The following ABR variants were observed in gnomAD, a reference collection of about 807,000 sequenced individuals.
The protein encoded by ABR is ABR activator of RhoGEF and GTPase, also known as active breakpoint cluster region-related protein.
In ABR, 35 loss-of-function variants were observed where a neutral mutation model predicts 107.2. The ratio of observed to expected loss-of-function variants is 0.33; its 90% CI spans 0.25 to 0.43. The LOEUF (loss-of-function observed/expected upper bound fraction) is 0.43, where lower values mean the gene tolerates loss of function less well. Among genes scored for constraint, ABR ranks in the 20% least tolerant of loss-of-function variants. ABR has a pLI of 1.00. For synonymous variants in ABR, 498 were observed against 462.0 expected (o/e 1.08, Z -1.00); for missense variants, 815 against 1,115.2 (o/e 0.73, Z 3.83).
In ABR at chr17:1,141,691, T is replaced by C. The variant is rs1281649983; in HGVS notation, c.62-16324A>G. On this transcript the variant is annotated intron_variant, in intron 1 of 22. Coordinates refer to ENST00000302538, the MANE Select transcript of ABR (RefSeq NM_021962.5). Reference sequence around the variant, plus strand: ...AGTGAGTTAAGACTACAGCAAGCTTTGTCAGCTAACTCTGCTGTTCATCAG... The same window carrying C: ...AGTGAGTTAAGACTACAGCAAGCTTCGTCAGCTAACTCTGCTGTTCATCAG... 5.3e-5 allele frequency among the ~76,000 whole-genome samples: 8 copies of C among 152,120 alleles called. 1 individual carries two copies. The highest frequency in any genetic ancestry group is 1.2e-4 in the Non-Finnish European group (8 of 68,020).
intron 2 of ABR, among the ~76,000 whole-genome samples, chr17:1,112,617 A>AAGGAAGGAAGGAAGAG (rs768217991): frequency 1.3e-5 from 2 of 149,990 alleles, no homozygotes; most frequent in African/African-American, 5.0e-5. Context: ...GGGAGGGAGG[A>AAGGAAGGAAGGAAGAG]AGGAAGGAAG....
chr17:1,156,175 T>G (rs1317536649), intron 1 of ABR: 1 of 152,124 alleles, frequency 6.6e-6, no homozygotes. Flanking sequence ...CAGACGGGTA[T>G]CTAAGGGGCA....
rs2069815815 is a variant in ABR, at chr17:1,003,621, TAGAC to T, written c.*2455_*2458del. On this transcript the variant is annotated 3_prime_UTR_variant, in exon 23 of 23. Coordinates refer to ENST00000302538, the MANE Select transcript of ABR (RefSeq NM_021962.5). ...AATCTACATAAGTTGAAACAGAACA[TAGAC>T]AAAAAAATATATCCTTACCAACTTA... The T allele has an allele frequency of 6.6e-6, 1 of 152,486 alleles. No individual in the cohort carries two copies. Among genetic ancestry groups the T allele is most frequent in the Non-Finnish European group, 1.5e-5 (1 of 68,022 alleles). 9.4% of individuals were successfully genotyped at this position (152,486 alleles called of 1,614,324 possible). A position where few individuals can be genotyped will look rare whatever the true frequency, so the allele number is the denominator to read the frequency against.
chr17:1,209,459 TAGAGAC>T (rs2150737032), intron 1 of ABR, among the ~76,000 whole-genome samples: 1 of 152,282 alleles, frequency 6.6e-6, no homozygotes, highest in African/African-American at 2.4e-5. Context: ...GTATTTTTAA[TAGAGAC>T]AGGGTTTTGC....
At chr17:1,156,518 T>C (rs1038511260) in intron 1 of ABR, among the ~76,000 whole-genome samples, 4 of 152,050 alleles carry the variant, frequency 2.6e-5, no homozygotes, top group African/African-American at 9.7e-5. Context: ...AACTCGTCTC[T>C]ACTAAAAATA....
chr17:1,179,787 A>C lies in ABR; in HGVS notation c.-60T>G. The C allele has an allele frequency of 3.3e-6, 1 of 298,878 alleles. No homozygotes were observed. The allele number at this position is 298,878 out of a possible 1,614,324, so 18.5% of individuals were successfully genotyped here. The stretch of plus-strand genomic sequence containing the variant: ...ACCCTCATCGCGCAACAAAGGAGGG[A>C]GAGCGGGCGGGAGCCGGGGGAGGCC... On this transcript the variant is annotated 5_prime_UTR_variant, in exon 1 of 23. Transcript: ENST00000302538. The surrounding 1 kb of genome is among the most constrained non-coding windows in gnomAD (Gnocchi z 4.9).
At position 1,028,351 on chromosome 17, in the gene ABR, T is replaced by A. The variant is rs141154129; in HGVS notation, c.1792-15187A>T. On this transcript the variant is annotated intron_variant, in intron 16 of 22. Transcript: ENST00000302538. Reference sequence around the variant, plus strand: ...TGACCTCAGGTGATCCACCCGCCTCTGCCTCCCAAAGTGCTGGGATGACAG... The same window carrying A: ...TGACCTCAGGTGATCCACCCGCCTCAGCCTCCCAAAGTGCTGGGATGACAG... Among the ~76,000 whole-genome samples the A allele has an allele frequency of 2.0e-3, 307 of 151,980 alleles. 1 individual carries two copies. Among genetic ancestry groups the A allele is most frequent in the African/African-American group, 6.8e-3 (284 of 41,470 alleles).
At chr17:1,181,379 G>A (rs900551571), upstream of ABR, among the ~76,000 whole-genome samples, 5 of 152,154 alleles carry the variant, frequency 3.3e-5, no homozygotes, top group African/African-American at 1.2e-4. Context: ...GATGCTCTGG[G>A]TGGGGAAGCC....
At chr17:1,091,623 C>T in intron 4 of ABR, 42 bp downstream of exon 4, 1 of 1,589,910 alleles carries the variant, frequency 6.3e-7, no homozygotes, top group Non-Finnish European at 8.6e-7. Flanking sequence ...ATGGGCTCCA[C>T]TGAGGCCCTG....
rs2038087386 is a variant in ABR at position 1,104,078 on chromosome 17, G to A, written c.247-3343C>T. Among the ~76,000 whole-genome samples, 6 of 152,274 alleles carry A rather than the reference G, an allele frequency of 3.9e-5. No homozygotes were observed. The South Asian group carries it at 1.0e-3, about 26-fold the overall frequency. ...GCCCACGTGCCTAGAATGCTCCGGA[G>A]CGAGTTCTCTAAAGAGTTCCAGGTC... On this transcript the variant is annotated intron_variant, in intron 2 of 22. Coordinates refer to ENST00000302538, the MANE Select transcript of ABR (RefSeq NM_021962.5).
chr17:1,116,884 G>A (rs1169432622), intron 2 of ABR, among the ~76,000 whole-genome samples: 3 of 152,144 alleles, frequency 2.0e-5, no homozygotes, highest in South Asian at 2.1e-4. Context: ...TGCAGGGGCC[G>A]GCTGCTGGGG....
At chr17:1,159,329 T>C (rs1426023412) in intron 1 of ABR, among the ~76,000 whole-genome samples, 1 of 98,842 alleles carries the variant, frequency 1.0e-5, no homozygotes, top group Non-Finnish European at 2.2e-5. Flanking sequence ...AAGAATGCAG[T>C]ACTCACGCAC....
intron 16 of ABR, among the ~76,000 whole-genome samples, chr17:1,044,204 G>GC (rs970730942): frequency 6.6e-6 from 1 of 151,986 alleles, no homozygotes; most frequent in African/African-American, 2.4e-5. Flanking sequence ...GGTGGAGGGG[G>GC]GGCTCCCAGC....
At chr17:1,101,941 G>T (rs190487023) in intron 2 of ABR, among the ~76,000 whole-genome samples, 1 of 152,038 alleles carries the variant, frequency 6.6e-6, no homozygotes, top group Non-Finnish European at 1.5e-5. Flanking sequence ...CACCGTGTTA[G>T]CCAGGATGGT....
Position 1,078,985 on chromosome 17 carries a change from C to T in ABR, c.700+345G>A, listed in dbSNP as rs755142692. On this transcript the variant is annotated intron_variant, in intron 6 of 22. Transcript: ENST00000302538. The surrounding 1 kb of genome is among the most constrained non-coding windows in gnomAD (Gnocchi z 7.5). ...CACGGACTCCAGCATCGGGCAGCCGCTCCGGAGTGCTCTTCCAGCAAGGGG... is the reference window on the plus strand; with the variant it reads ...CACGGACTCCAGCATCGGGCAGCCGTTCCGGAGTGCTCTTCCAGCAAGGGG... 4 of 1,477,682 alleles carry T rather than the reference C, an allele frequency of 2.7e-6. 1 individual carries two copies. Among genetic ancestry groups the T allele is most frequent in the East Asian group, 5.0e-5 (2 of 39,800 alleles). The allele number at this position is 1,477,682 out of a possible 1,614,324, so 91.5% of individuals were successfully genotyped here. A position where few individuals can be genotyped will look rare whatever the true frequency, so the allele number is the denominator to read the frequency against.
intron 2 of ABR, 49 bp downstream of exon 2, chr17:1,125,134 C>T (rs753650003): frequency 8.6e-6 from 13 of 1,520,100 alleles, no homozygotes; most frequent in Non-Finnish European, 1.1e-5. Flanking sequence ...ATGCCCAGGC[C>T]TTCCCGTCAC....
intron 2 of ABR, among the ~76,000 whole-genome samples, chr17:1,119,471 G>T (rs1181727775): frequency 7.4e-4 from 44 of 59,166 alleles, no homozygotes; most frequent in African/African-American, 1.7e-3. Flanking sequence ...TCTTCCCAGC[G>T]TTATCCCTGA....
At chr17:1,127,900 G>A (rs1357500188) in intron 1 of ABR, among the ~76,000 whole-genome samples, 1 of 152,220 alleles carries the variant, frequency 6.6e-6, no homozygotes, top group African/African-American at 2.4e-5. Flanking sequence ...CAGCCTGGAT[G>A]TTCCGCGGGG....
chr17:1,012,971 G>A (rs1171594946), intron 17 of ABR, 134 bp downstream of exon 17: 3 of 1,169,308 alleles, frequency 2.6e-6, no homozygotes, highest in Admixed American at 3.8e-5. Flanking sequence ...CAGGAGGGGA[G>A]AGGGGGCTGG....
Sources: gnomAD v4.1 joint callset for allele counts (sites outside exome capture counted in the v4.1 genomes callset) on GRCh38, gnomAD v4.1.1 for gene constraint, Gnocchi (gnomAD v3.1) non-coding constraint, MANE v1.5 for transcripts, NCBI Gene and HGNC (gene_info 2026-07-23, HGNC 2026-07-21) for gene names.